The following MACROD2 variants were observed in gnomAD, a reference collection of about 807,000 sequenced individuals.
MACROD2 encodes the protein mono-ADP ribosylhydrolase 2.
In MACROD2, 36 loss-of-function variants were observed where a neutral mutation model predicts 70.4. That is an observed-to-expected ratio of 0.51 (90% CI 0.39 to 0.68). MACROD2 has a LOEUF of 0.68. Ranked by LOEUF, MACROD2 falls within the 30% of genes least tolerant of loss-of-function variation. The probability of loss-of-function intolerance (pLI) is 0.00; values close to 1 mark genes in which losing one functional copy is unlikely to be tolerated. For missense variants in MACROD2, 496 were observed against 538.4 expected (o/e 0.92, Z 0.78); for synonymous variants, 172 against 178.8 (o/e 0.96, Z 0.30).
At chr20:15,880,764 G>C (rs2064743360) in intron 9 of MACROD2, among the ~76,000 whole-genome samples, 1 of 152,060 alleles carries the variant, frequency 6.6e-6, no homozygotes, top group Non-Finnish European at 1.5e-5. Context: ...CTCAGGCAAA[G>C]AGACCCAGGA....
intron 5 of MACROD2, among the ~76,000 whole-genome samples, chr20:14,748,935 C>A (rs917822429): frequency 6.6e-6 from 1 of 152,032 alleles, no homozygotes; most frequent in Non-Finnish European, 1.5e-5. Flanking sequence ...AACAATAGGA[C>A]ACTGTGGATC....
intron 8 of MACROD2, among the ~76,000 whole-genome samples, chr20:15,622,534 G>A (rs1269447784): frequency 1.3e-5 from 2 of 152,266 alleles, no homozygotes; most frequent in South Asian, 2.1e-4. Flanking sequence ...AGGGCTGGTA[G>A]CGTCTACAGT....
At chr20:15,429,469 G>A (rs2046338569) in intron 6 of MACROD2, among the ~76,000 whole-genome samples, 1 of 152,074 alleles carries the variant, frequency 6.6e-6, no homozygotes, top group Non-Finnish European at 1.5e-5. Context: ...CAGACATACA[G>A]TTGAGCTTAA....
At chr20:15,711,190 G>A (rs1036093530) in intron 8 of MACROD2, among the ~76,000 whole-genome samples, 4 of 152,192 alleles carry the variant, frequency 2.6e-5, no homozygotes, top group African/African-American at 9.6e-5. Flanking sequence ...TGTGGGTGAG[G>A]TGAATTAAGG....
Position 15,227,832 on chromosome 20 carries a change from T to TTTTG in MACROD2, c.419-2105_419-2104insGTTT, listed in dbSNP as rs1555794529. On this transcript the variant is annotated intron_variant, in intron 5 of 17. Coordinates refer to ENST00000684519, the MANE Select transcript of MACROD2 (RefSeq NM_001351661.2). Reference sequence around the variant, plus strand: ...TGATAGAATTTCACCTGTTTTTTTTTTTTTTTTTTTTTTTTTTCAAATTTA... The same window carrying TTTTG: ...TGATAGAATTTCACCTGTTTTTTTTTTTTGTTTTTTTTTTTTTTTTTCAAATTTA... Among the ~76,000 whole-genome samples the TTTTG allele has an allele frequency of 8.4e-4, 105 of 124,772 alleles. 7 individuals are homozygous for TTTTG. The highest frequency in any genetic ancestry group is 4.6e-3 in the Middle Eastern group (1 of 216). The allele number at this position is 124,772 out of a possible 152,430, so 81.9% of individuals were successfully genotyped here.
intron 5 of MACROD2, among the ~76,000 whole-genome samples, chr20:15,057,237 A>C (rs569215935): frequency 6.6e-6 from 1 of 152,206 alleles, no homozygotes; most frequent in African/African-American, 2.4e-5. Context: ...ATATATGTAC[A>C]TGTAGTATGT....
intron 5 of MACROD2, among the ~76,000 whole-genome samples, chr20:15,215,240 T>C (rs1436912506): frequency 6.7e-6 from 1 of 149,868 alleles, no homozygotes; most frequent in Non-Finnish European, 1.5e-5. Context: ...TTTCTCCTTT[T>C]TCTCCTGTAT....
intron 8 of MACROD2, among the ~76,000 whole-genome samples, chr20:15,668,593 A>T (rs185586232): frequency 5.3e-5 from 8 of 150,174 alleles, no homozygotes; most frequent in Middle Eastern, 3.4e-3. Flanking sequence ...AATAAAAATC[A>T]TAGGTGATGC....
chr20:15,537,661 A>T (rs1433352819), intron 8 of MACROD2, among the ~76,000 whole-genome samples: 1 of 151,860 alleles, frequency 6.6e-6, no homozygotes, highest in Non-Finnish European at 1.5e-5. Flanking sequence ...TTTAATAGAG[A>T]CAGGGTTTCA....
rs73900792 is a variant in MACROD2, at chr20:14,014,385, G to A, written c.163+11981G>A. Among the ~76,000 whole-genome samples, 233 of 152,134 alleles carry A rather than the reference G, an allele frequency of 1.5e-3. 1 individual carries two copies. Among genetic ancestry groups the A allele is most frequent in the African/African-American group, 4.0e-3 (165 of 41,494 alleles). On this transcript the variant is annotated intron_variant, in intron 2 of 17. Coordinates refer to ENST00000684519, the MANE Select transcript of MACROD2 (RefSeq NM_001351661.2). ...ATTTAGTTACTGAATTTTCATCAAC[G>A]TGTTTAAAACAAGAATTTAAGTATA... is the stretch of plus-strand genomic sequence containing the variant.
intron 4 of MACROD2, among the ~76,000 whole-genome samples, chr20:14,585,556 A>C (rs1981319610): frequency 6.6e-6 from 1 of 152,026 alleles, no homozygotes; most frequent in African/African-American, 2.4e-5. Context: ...GATATATTAT[A>C]TGTATTTTGG....
At chr20:15,143,454 C>T (rs537323438) in intron 5 of MACROD2, among the ~76,000 whole-genome samples, 12 of 152,236 alleles carry the variant, frequency 7.9e-5, no homozygotes, top group South Asian at 4.2e-4. Context: ...TGTTCCCATT[C>T]TGTAGGTTGC....
intron 5 of MACROD2, among the ~76,000 whole-genome samples, chr20:14,811,791 A>G (rs574910200): frequency 2.6e-5 from 4 of 152,286 alleles, no homozygotes; most frequent in Admixed American, 2.6e-4. Context: ...ACTTCTCAAA[A>G]GAAGACATTT....
At chr20:14,333,930 C>T (rs185339131) in intron 3 of MACROD2, among the ~76,000 whole-genome samples, 5 of 152,244 alleles carry the variant, frequency 3.3e-5, no homozygotes, top group African/African-American at 1.2e-4. Context: ...AAAGTTGCCT[C>T]GGTAACTTGT....
intron 12 of MACROD2, among the ~76,000 whole-genome samples, chr20:15,950,298 T>A (rs972273536): frequency 1.3e-5 from 2 of 152,190 alleles, no homozygotes; most frequent in Admixed American, 6.5e-5. Flanking sequence ...TGAAGGTATG[T>A]ATTTTTGACA....
At chr20:15,641,632 C>A (rs2049461550) in intron 8 of MACROD2, among the ~76,000 whole-genome samples, 1 of 152,164 alleles carries the variant, frequency 6.6e-6, no homozygotes, top group Admixed American at 6.5e-5. Context: ...GTAGGGTCTT[C>A]TATTTCATCC....
At chr20:14,962,535 CTCTCTCTTTCTCTCT>C in intron 5 of MACROD2, among the ~76,000 whole-genome samples, 3 of 145,290 alleles carry the variant, frequency 2.1e-5, no homozygotes, top group African/African-American at 8.1e-5. Context: ...CTTTCTCTCT[CTCTCTCTTTCTCTCT>C]GTCTCTATAT....
intron 17 of MACROD2, among the ~76,000 whole-genome samples, chr20:16,047,577 A>C (rs2067400456): frequency 6.6e-6 from 1 of 152,160 alleles, no homozygotes; most frequent in Admixed American, 6.6e-5. Context: ...GAATCCAGAC[A>C]CCTTGGAAGA....
chr20:14,436,316 C>A (rs1219466457), intron 3 of MACROD2, among the ~76,000 whole-genome samples: 1 of 152,114 alleles, frequency 6.6e-6, no homozygotes, highest in Non-Finnish European at 1.5e-5. Context: ...CATTATTAGT[C>A]TAATTAAAAT....
Sources: gnomAD v4.1 joint callset for allele counts (sites outside exome capture counted in the v4.1 genomes callset) on GRCh38, gnomAD v4.1.1 for gene constraint, MANE v1.5 for transcripts, NCBI Gene and HGNC (gene_info 2026-07-23, HGNC 2026-07-21) for gene names.